KCNQ3: variants seen among roughly 807,000 people sequenced by gnomAD.
KCNQ3 encodes the protein potassium voltage-gated channel subfamily Q member 3.
KCNQ3 carries 30 observed loss-of-function variants against 92.5 expected under a neutral mutation model. The ratio of observed to expected loss-of-function variants is 0.32; its 90% CI spans 0.24 to 0.44. The LOEUF is 0.44. KCNQ3 is among the 20% of genes least tolerant of loss of function. KCNQ3 has a pLI of 1.00. For missense variants in KCNQ3, 913 were observed against 1,140.3 expected (o/e 0.80, Z 2.87); for synonymous variants, 450 against 468.8 (o/e 0.96, Z 0.52).
intron 1 of KCNQ3, among the ~76,000 whole-genome samples, chr8:132,260,291 T>C (rs1424175108): frequency 2.0e-5 from 3 of 152,156 alleles, no homozygotes; most frequent in East Asian, 3.9e-4. Context: ...AGAAGGGGTA[T>C]GTCATTCCTA....
At chr8:132,323,118 T>C (rs996133804) in intron 1 of KCNQ3, among the ~76,000 whole-genome samples, 1 of 152,196 alleles carries the variant, frequency 6.6e-6, no homozygotes, top group Non-Finnish European at 1.5e-5. Context: ...TTCACATTTT[T>C]AGGAGACCCT....
At chr8:132,357,225 C>T (rs1819042116) in intron 1 of KCNQ3, among the ~76,000 whole-genome samples, 1 of 152,156 alleles carries the variant, frequency 6.6e-6, no homozygotes, top group African/African-American at 2.4e-5. Flanking sequence ...TGGGCTTCCC[C>T]AAAAGCAGAA....
chr8:132,334,008 C>T (rs531744129), intron 1 of KCNQ3, among the ~76,000 whole-genome samples: 45 of 152,198 alleles, frequency 3.0e-4, no homozygotes, highest in African/African-American at 9.4e-4. Flanking sequence ...ATGTGAGCCA[C>T]CACACCCAGC....
intron 1 of KCNQ3, among the ~76,000 whole-genome samples, chr8:132,374,148 A>G (rs1199905680): frequency 6.6e-6 from 1 of 152,072 alleles, no homozygotes; most frequent in East Asian, 1.9e-4. Context: ...AGTCAGACAG[A>G]CCTGGATTGG....
At chr8:132,187,891 GTGGTGGTGGTGA>G (rs1827046566) in intron 1 of KCNQ3, among the ~76,000 whole-genome samples, 3 of 95,150 alleles carry the variant, frequency 3.2e-5, no homozygotes, top group South Asian at 5.9e-4. Context: ...GGTGGCGGTG[GTGGTGGTGGTGA>G]TGGTGGTGGT....
At chr8:132,269,235 T>C (rs1816079513) in intron 1 of KCNQ3, among the ~76,000 whole-genome samples, 1 of 152,216 alleles carries the variant, frequency 6.6e-6, no homozygotes, top group Non-Finnish European at 1.5e-5. Context: ...GCTTATCAAT[T>C]CTTTTTCATG....
At chr8:132,357,781 T>C (rs1563877089) in intron 1 of KCNQ3, among the ~76,000 whole-genome samples, 1 of 152,176 alleles carries the variant, frequency 6.6e-6, no homozygotes, top group Non-Finnish European at 1.5e-5. Context: ...CCCTTCTCCA[T>C]GGGATCCCCC....
chr8:132,185,528 G>A (rs1826932355), intron 2 of KCNQ3, among the ~76,000 whole-genome samples: 1 of 151,970 alleles, frequency 6.6e-6, no homozygotes, highest in African/African-American at 2.4e-5. Flanking sequence ...GCAAGGACTT[G>A]AGCAAACAGA....
At chr8:132,418,928 C>T (rs1587002640) in intron 1 of KCNQ3, among the ~76,000 whole-genome samples, 1 of 152,284 alleles carries the variant, frequency 6.6e-6, no homozygotes, top group East Asian at 1.9e-4. Flanking sequence ...CTAATTCAAT[C>T]TTTAAAAGCC....
intron 9 of KCNQ3, among the ~76,000 whole-genome samples, chr8:132,161,356 C>T (rs896552803): frequency 2.6e-5 from 4 of 152,120 alleles, no homozygotes; most frequent in South Asian, 2.1e-4. Context: ...GGGCTGGGCC[C>T]GGTGGCTCAT....
At chr8:132,294,870 C>T (rs1816969071) in intron 1 of KCNQ3, among the ~76,000 whole-genome samples, 1 of 152,192 alleles carries the variant, frequency 6.6e-6, no homozygotes, top group Non-Finnish European at 1.5e-5. Context: ...GGACCCCTCC[C>T]TTACACCTTA....
chr8:132,201,540 G>T (rs967709055), intron 1 of KCNQ3, among the ~76,000 whole-genome samples: 3 of 150,622 alleles, frequency 2.0e-5, no homozygotes, highest in African/African-American at 7.3e-5. Flanking sequence ...ATTCCGAAAA[G>T]AAAAAATAGG....
intron 6 of KCNQ3, 70 bp downstream of exon 6, chr8:132,174,169 T>C (rs988618048): frequency 9.2e-7 from 1 of 1,085,470 alleles, no homozygotes; most frequent in Non-Finnish European, 1.4e-6. Context: ...CACTGGAAAG[T>C]TGAGCTGGCA....
chr8:132,273,162 G>C (rs906499995), intron 1 of KCNQ3, among the ~76,000 whole-genome samples: 1 of 152,184 alleles, frequency 6.6e-6, no homozygotes, highest in South Asian at 2.1e-4. Flanking sequence ...GAGTGCCCTA[G>C]CAGAGGTTAT....
chr8:132,175,813 AGT>A (rs1826529603), intron 4 of KCNQ3, among the ~76,000 whole-genome samples: 1 of 152,172 alleles, frequency 6.6e-6, no homozygotes. Context: ...TAACAGAAAA[AGT>A]GTATGGCTCC....
At chr8:132,160,313 A>T (rs977253855) in intron 9 of KCNQ3, among the ~76,000 whole-genome samples, 3 of 152,232 alleles carry the variant, frequency 2.0e-5, no homozygotes, top group Non-Finnish European at 4.4e-5. Flanking sequence ...AGGAAGGCTA[A>T]TGGACTCCCT....
At chr8:132,309,646 C>T (rs184091886) in intron 1 of KCNQ3, among the ~76,000 whole-genome samples, 14 of 152,310 alleles carry the variant, frequency 9.2e-5, no homozygotes, top group African/African-American at 3.4e-4. Flanking sequence ...CTAGAAATCC[C>T]CTCACCACAT....
intron 5 of KCNQ3, among the ~76,000 whole-genome samples, chr8:132,174,806 C>T (rs1826495293): frequency 6.6e-6 from 1 of 152,132 alleles, no homozygotes. Flanking sequence ...TGTACTTATG[C>T]ATGTGTATCT....
Position 132,229,272 on chromosome 8 carries a change from A to T in KCNQ3, c.387-43091T>A, listed in dbSNP as rs114916425. Among the ~76,000 whole-genome samples, 517 of 152,182 alleles carry T rather than the reference A, an allele frequency of 3.4e-3. 1 individual carries two copies. The highest frequency in any genetic ancestry group is 0.012 in the African/African-American group (488 of 41,500). ...TGAGACTCCGTCTCAAAAAAAAAAA[A>T]AAAAATTCTGGATATGAGGTAAAGA... is the stretch of plus-strand genomic sequence containing the variant. On this transcript the variant is annotated intron_variant, in intron 1 of 14. Coordinates refer to ENST00000388996, the MANE Select transcript of KCNQ3 (RefSeq NM_004519.4).
Sources: allele counts gnomAD v4.1 joint callset (sites outside exome capture counted in the v4.1 genomes callset), GRCh38; gene constraint gnomAD v4.1.1; transcripts MANE v1.5; gene names NCBI Gene and HGNC (gene_info 2026-07-23, HGNC 2026-07-21).